The following STX1B variants were observed in gnomAD, a reference collection of about 807,000 sequenced individuals.
The protein encoded by STX1B is syntaxin-1B.
In STX1B, 7 loss-of-function variants were observed where a neutral mutation model predicts 39.4. The observed-to-expected ratio is 0.18, with a 90% CI of 0.10 to 0.33. The LOEUF (loss-of-function observed/expected upper bound fraction) is 0.33. Ranked by LOEUF, STX1B falls within the 10% of genes least tolerant of loss-of-function variation. The pLI, the probability that STX1B is intolerant of heterozygous loss-of-function variation, is 1.00. For missense variants in STX1B, 198 were observed against 383.2 expected (o/e 0.52, Z 4.04); for synonymous variants, 136 against 144.1 (o/e 0.94, Z 0.40).
chr16:31,001,322 G>A lies in STX1B; in HGVS notation c.106-129C>T, dbSNP rs938310105. The A allele has an allele frequency of 4.2e-6, 4 of 954,538 alleles. No homozygotes were observed. In the African/African-American group the frequency reaches 6.5e-5, roughly 15 times the overall value. 59.1% of individuals were successfully genotyped at this position (954,538 alleles called of 1,614,324 possible). The stretch of plus-strand genomic sequence containing the variant: ...TGATAAAAGGCCAGGGAGGGTGCAG[G>A]AGCAGGGAAGTGGGGGACAGGGAAA... On this transcript the variant is annotated intron_variant, in intron 2 of 9. Transcript: ENST00000215095. The surrounding 1 kb of genome is among the most constrained non-coding windows in gnomAD (Gnocchi z 5.5).
intron 1 of STX1B, among the ~76,000 whole-genome samples, chr16:31,005,470 C>CTTTTTTTTTT (rs35407745): frequency 8.8e-6 from 1 of 113,732 alleles, no homozygotes; most frequent in Non-Finnish European, 1.7e-5. Flanking sequence ...TTTCTTTTTC[C>CTTTTTTTTTT]TTTTTTTTTT....
At chr16:30,999,398 T>C (rs555557525) in intron 4 of STX1B, among the ~76,000 whole-genome samples, 12 of 152,310 alleles carry the variant, frequency 7.9e-5, no homozygotes, top group East Asian at 3.9e-4. Context: ...AGCCTAGCAA[T>C]GTGCCTCGGA....
chr16:30,993,100 G>A lies in STX1B; in HGVS notation c.786+30C>T, dbSNP rs944066119. ...CCCGGGCTCAGCCTTGGGCTCCCCC[G>A]CCTACCCCCAGGCCGCCTGCCCCGC... On this transcript the variant is annotated intron_variant, in intron 9 of 9. Transcript: ENST00000215095. The A allele has an allele frequency of 2.4e-5, 39 of 1,605,100 alleles. No individual in the cohort carries two copies. In the Admixed American group the frequency reaches 5.3e-4, roughly 22 times the overall value.
chr16:30,999,895 G>T (rs886240369), intron 4 of STX1B, among the ~76,000 whole-genome samples: 1 of 152,220 alleles, frequency 6.6e-6, no homozygotes, highest in Admixed American at 6.5e-5. Flanking sequence ...GAGCAAGGGG[G>T]AAAGCTGGGG....
At position 30,992,788 on chromosome 16, in the gene STX1B, G is replaced by GA. The variant is rs1567376450; in HGVS notation, c.*32dup. The GA allele has an allele frequency of 7.4e-7, 1 of 1,343,954 alleles. No homozygotes were observed. The highest frequency in any genetic ancestry group is 1.0e-6 in the Non-Finnish European group (1 of 966,888). The allele number at this position is 1,343,954 out of a possible 1,614,324, so 83.3% of individuals were successfully genotyped here. On this transcript the variant is annotated 3_prime_UTR_variant, in exon 10 of 10. Coordinates refer to ENST00000215095, the MANE Select transcript of STX1B (RefSeq NM_052874.5). ...GGGTATTGCTCCCGATGTGGTGGGG[G>GA]AAGGGTCTGGGAGAGAGAAGGGTGG...
intron 8 of STX1B, 23 bp from the exon 9 acceptor site, chr16:30,993,263 C>G: frequency 1.9e-6 from 3 of 1,613,886 alleles, no homozygotes; most frequent in Non-Finnish European, 2.5e-6. Flanking sequence ...GAGACATGCA[C>G]AGGGAGGGAT....
chr16:31,006,022 C>T (rs2056653485), intron 1 of STX1B, among the ~76,000 whole-genome samples: 1 of 152,172 alleles, frequency 6.6e-6, no homozygotes, highest in Non-Finnish European at 1.5e-5. Flanking sequence ...AGTCAGTGAC[C>T]AGAGAGACAG....
At position 30,996,935 on chromosome 16, in the gene STX1B, T is replaced by TG; in HGVS notation, c.463+15dup. 1 of 1,596,936 alleles carries TG rather than the reference T, an allele frequency of 6.3e-7. No individual in the cohort carries two copies. The highest frequency in any genetic ancestry group is 8.6e-7 in the Non-Finnish European group (1 of 1,168,836). On this transcript the variant is annotated intron_variant, in intron 6 of 9. Transcript: ENST00000215095. ...CCTCAAGGAGTTCGGGGTCCTGGGG[T>TG]GGGGGGCACACGCACTGATCTCCAG...
rs1458469248 is a variant in STX1B, at chr16:30,998,892, G to A, written c.281-1317C>T. Among the ~76,000 whole-genome samples the A allele has an allele frequency of 3.3e-5, 5 of 152,308 alleles. No homozygotes were observed. In the East Asian group the frequency reaches 9.6e-4, roughly 29 times the overall value. On this transcript the variant is annotated intron_variant, in intron 4 of 9. Transcript: ENST00000215095. ...ATTTTAAACTGCCAGCAGGAACCTT[G>A]TTTCTGAGAAGGAATTTCAGGGGCT... is the stretch of plus-strand genomic sequence containing the variant.
intron 6 of STX1B, 46 bp downstream of exon 6, chr16:30,996,905 G>A: frequency 6.3e-7 from 1 of 1,580,276 alleles, no homozygotes; most frequent in Non-Finnish European, 8.7e-7. Flanking sequence ...AGGGGGCTTG[G>A]GCAGCCTCAA....
rs978185241 is a variant in STX1B at position 30,992,565 on chromosome 16, C to T, written c.*256G>A. The stretch of plus-strand genomic sequence containing the variant: ...GCACACGCACGCTGGGGTGTCCACA[C>T]GTCTCGAGCATGTGCCGGCGGCATG... On this transcript the variant is annotated 3_prime_UTR_variant, in exon 10 of 10. Coordinates refer to ENST00000215095, the MANE Select transcript of STX1B (RefSeq NM_052874.5). 1.1e-5 allele frequency: 5 copies of T among 465,844 alleles called. No homozygotes were observed. The Admixed American group carries it at 1.1e-4, about 11-fold the overall frequency. 28.9% of individuals were successfully genotyped at this position (465,844 alleles called of 1,614,324 possible).
Position 31,010,516 on chromosome 16 carries a change from G to C in STX1B, c.-120C>G. The C allele has an allele frequency of 1.9e-6, 1 of 514,794 alleles. No homozygotes were observed. Among genetic ancestry groups the C allele is most frequent in the Non-Finnish European group, 2.7e-6 (1 of 370,586 alleles). 31.9% of individuals were successfully genotyped at this position (514,794 alleles called of 1,614,324 possible). A position where few individuals can be genotyped will look rare whatever the true frequency, so the allele number is the denominator to read the frequency against. ...CCGGGGGGCGCCGCGGCCGCTGCGG[G>C]GGGCCTGCGGGCGGGGGCGGGGCCG... On this transcript the variant is annotated 5_prime_UTR_variant, in exon 1 of 10. Transcript: ENST00000215095.
At chr16:30,994,024 A>G (rs540248509) in intron 7 of STX1B, among the ~76,000 whole-genome samples, 2 of 150,618 alleles carry the variant, frequency 1.3e-5, no homozygotes, top group South Asian at 2.1e-4. Context: ...CACAGTAGGT[A>G]GCTCATGCCT....
chr16:31,001,460 G>T lies in STX1B; in HGVS notation c.105+69C>A, dbSNP rs12920772. 8.9e-7 allele frequency: 1 copy of T among 1,126,636 alleles called. No homozygotes were observed. Among genetic ancestry groups the T allele is most frequent in the Non-Finnish European group, 1.3e-6 (1 of 797,292 alleles). The allele number at this position is 1,126,636 out of a possible 1,614,324, so 69.8% of individuals were successfully genotyped here. A position where few individuals can be genotyped will look rare whatever the true frequency, so the allele number is the denominator to read the frequency against. On this transcript the variant is annotated intron_variant, in intron 2 of 9. Transcript: ENST00000215095. This position sits in a 1 kb window ranked among gnomAD's most constrained non-coding sequence, Gnocchi z 5.5. ...CTGGGTGCCGGGGCTGAGGCTGGGC[G>T]GTGGGACTAGGGGCTGGGGCTGGGT...
intron 4 of STX1B, among the ~76,000 whole-genome samples, chr16:30,999,634 G>C (rs2056613444): frequency 6.6e-6 from 1 of 152,198 alleles, no homozygotes; most frequent in Non-Finnish European, 1.5e-5. Context: ...CCTGATGTCA[G>C]CCACACAAGT....
In STX1B at chr16:30,996,707, C is replaced by G. The variant is rs143402089; in HGVS notation, c.513G>C (p.Gly171=). 128 of 1,614,144 alleles carry G rather than the reference C, an allele frequency of 7.9e-5. 2 individuals are homozygous for G. The African/African-American group carries it at 1.6e-3, about 20-fold the overall frequency. ...CGTCATCTGTGAAGATGGCCAGCTT[C>G]CCGCTCTCCAGCATGTCTTCCAGTT... ...NEELEDMLES[G]KLAIFTDDIK... Residue 171 remains glycine (G), a synonymous_variant, in exon 7 of 10, where the codon GGG becomes GGC. Transcript: ENST00000215095.
Position 30,991,486 on chromosome 16 carries a change from G to A in STX1B, c.*1335C>T, listed in dbSNP as rs1220353659. ...GAGAGACAAAGCCAGATGGGGCCAC[G>A]TCCTTAGAAGTGTGTGTGCACGCAC... On this transcript the variant is annotated 3_prime_UTR_variant, in exon 10 of 10. Transcript: ENST00000215095. 6 of 147,284 alleles carry A rather than the reference G, an allele frequency of 4.1e-5. No individual in the cohort carries two copies. The highest frequency in any genetic ancestry group is 1.0e-4 in the African/African-American group (4 of 39,526). The allele number at this position is 147,284 out of a possible 1,614,324, so 9.1% of individuals were successfully genotyped here.
At chr16:31,000,498 AT>A (rs1249857555) in intron 4 of STX1B, among the ~76,000 whole-genome samples, 33 of 142,978 alleles carry the variant, frequency 2.3e-4, no homozygotes, top group Admixed American at 4.2e-4. Context: ...TGCCCAGCTA[AT>A]TTTTTTTTTT....
At chr16:31,003,566 G>C (rs2056642356) in intron 1 of STX1B, among the ~76,000 whole-genome samples, 1 of 152,156 alleles carries the variant, frequency 6.6e-6, no homozygotes. Context: ...CCGGGTGCCT[G>C]AGGACTTTCC....
Sources: gnomAD v4.1 joint callset for allele counts (sites outside exome capture counted in the v4.1 genomes callset) on GRCh38, gnomAD v4.1.1 for gene constraint, Gnocchi (gnomAD v3.1) non-coding constraint, MANE v1.5 for transcripts, NCBI Gene and HGNC (gene_info 2026-07-23, HGNC 2026-07-21) for gene names.